POR: variants seen among roughly 807,000 people sequenced by gnomAD.
POR encodes cytochrome p450 oxidoreductase, also known as NADPH--cytochrome P450 reductase.
In POR, 56 loss-of-function variants were observed where a neutral mutation model predicts 84.0. That is an observed-to-expected ratio of 0.67 (90% confidence interval 0.54 to 0.83). POR has a LOEUF of 0.83. POR is among the 40% of genes least tolerant of loss of function. The probability of loss-of-function intolerance (pLI) is 0.00; values close to 1 mark genes in which losing one functional copy is unlikely to be tolerated. For synonymous variants in POR, 414 were observed against 400.5 expected (o/e 1.03, Z -0.40); for missense variants, 938 against 944.3 (o/e 0.99, Z 0.09).
At chr7:75,923,392 C>T (rs1806966926) in intron 1 of POR, 3 of 729,024 alleles carry the variant, frequency 4.1e-6, no homozygotes. Context: ...GATTGGCACA[C>T]CTCCATCTTC....
intron 2 of POR, chr7:75,968,104 C>T (rs782551905): frequency 2.6e-5 from 12 of 455,472 alleles, no homozygotes; most frequent in Non-Finnish European, 4.8e-5. Flanking sequence ...TACTCGTCTC[C>T]ACCTGAGGAG....
intron 8 of POR, chr7:75,983,309 C>G (rs949652225): frequency 1.4e-4 from 76 of 537,690 alleles, no homozygotes; most frequent in South Asian, 7.3e-4. Flanking sequence ...CCGCTGCACT[C>G]CAGCCTGGGT....
Position 75,985,167 on chromosome 7 carries a change from G to T in POR, c.1358G>T (p.Arg453Leu). 6.3e-7 allele frequency: 1 copy of T among 1,598,878 alleles called. No homozygotes were observed. Residue 453 changes from arginine (R) to leucine (L), a missense_variant, in exon 12 of 16, where the codon CGC (arginine) becomes CTC (leucine). Arg to Leu is a moderately radical substitution (Grantham distance 102). Coordinates refer to ENST00000461988, the MANE Select transcript of POR (RefSeq NM_000941.3). The stretch of plus-strand genomic sequence containing the variant: ...GACCACCTGTGTGAGCTGCTGCCGC[G>T]CCTGCAGGCCCGCTACTACTCCATC...
chr7:75,974,869 C>T (rs538944288), intron 3 of POR, among the ~76,000 whole-genome samples: 1 of 152,160 alleles, frequency 6.6e-6, no homozygotes, highest in African/African-American at 2.4e-5. Flanking sequence ...ACATCTTTTG[C>T]CTGCTTTTCT....
chr7:75,933,092 A>AT (rs1807496987), intron 1 of POR, among the ~76,000 whole-genome samples: 1 of 151,972 alleles, frequency 6.6e-6, no homozygotes, highest in African/African-American at 2.4e-5. Context: ...ATGAAACCAA[A>AT]TAAGAGTTTG....
chr7:75,938,091 C>T (rs1419373773), intron 1 of POR, among the ~76,000 whole-genome samples: 1 of 152,220 alleles, frequency 6.6e-6, no homozygotes, highest in African/African-American at 2.4e-5. Flanking sequence ...CCTGCTGTCC[C>T]TCCTGTCCCC....
intron 2 of POR, among the ~76,000 whole-genome samples, chr7:75,955,639 G>A (rs914374717): frequency 6.6e-6 from 1 of 152,192 alleles, no homozygotes; most frequent in Non-Finnish European, 1.5e-5. Flanking sequence ...GGGCAGGATT[G>A]GGAGCCATTC....
chr7:75,952,456 C>G lies in POR; in HGVS notation c.-4-1533C>G, dbSNP rs1204780550. On this transcript the variant is annotated intron_variant, in intron 1 of 15. Transcript: ENST00000461988. ...CTCCCGGACGGAGCGGCTGGCCGGG[C>G]GGGGGCTGACCCCCACCTCCCTCCC... is the stretch of plus-strand genomic sequence containing the variant. 7.2e-5 allele frequency among the ~76,000 whole-genome samples: 10 copies of G among 139,846 alleles called. No individual in the cohort carries two copies. The East Asian group carries it at 1.4e-3, about 19-fold the overall frequency. The allele number at this position is 139,846 out of a possible 152,430, so 91.7% of individuals were successfully genotyped here.
intron 3 of POR, 123 bp downstream of exon 3, chr7:75,972,584 G>A: frequency 1.2e-5 from 11 of 921,506 alleles, no homozygotes; most frequent in Non-Finnish European, 1.6e-5. Flanking sequence ...GAGAGGGAAC[G>A]CAGCCCGGCT....
At chr7:75,982,177 C>T in intron 7 of POR, 47 bp from the exon 8 acceptor site, 5 of 1,483,490 alleles carry the variant, frequency 3.4e-6, no homozygotes, top group South Asian at 1.2e-5. Context: ...CCTCTCGGGA[C>T]TGACCCCTGC....
intron 3 of POR, among the ~76,000 whole-genome samples, chr7:75,973,825 G>C (rs1554556513): frequency 6.6e-6 from 1 of 151,576 alleles, no homozygotes; most frequent in African/African-American, 2.4e-5. Flanking sequence ...GGGGTTAGAC[G>C]CCTGCCACCG....
At chr7:75,933,977 T>G (rs1807546756) in intron 1 of POR, among the ~76,000 whole-genome samples, 1 of 152,180 alleles carries the variant, frequency 6.6e-6, no homozygotes, top group South Asian at 2.1e-4. Flanking sequence ...AGTTTTTTTT[T>G]TTTTGGTAAG....
chr7:75,973,308 TA>T (rs1764342088), intron 3 of POR, among the ~76,000 whole-genome samples: 3 of 152,100 alleles, frequency 2.0e-5, no homozygotes, highest in Non-Finnish European at 4.4e-5. Context: ...ATTTTTAATT[TA>T]AAAAAACCTT....
intron 1 of POR, among the ~76,000 whole-genome samples, chr7:75,944,850 C>T (rs1554551948): frequency 2.0e-5 from 3 of 152,094 alleles, no homozygotes; most frequent in African/African-American, 7.2e-5. Context: ...CTAACCTAAA[C>T]AACAGAAAAT....
chr7:75,972,373 C>A (rs782443479), intron 2 of POR, 40 bp from the exon 3 acceptor site: 1 of 1,581,210 alleles, frequency 6.3e-7, no homozygotes, highest in Admixed American at 1.7e-5. Flanking sequence ...TGTCCCATGA[C>A]ACCTGCCTCC....
intron 1 of POR, among the ~76,000 whole-genome samples, chr7:75,916,477 T>C (rs991971593): frequency 2.1e-5 from 3 of 144,326 alleles, no homozygotes; most frequent in African/African-American, 7.3e-5. Context: ...AAGGTCCACT[T>C]CCTTTTTTTT....
chr7:75,979,241 T>A (rs1788867915), intron 3 of POR, among the ~76,000 whole-genome samples: 1 of 152,040 alleles, frequency 6.6e-6, no homozygotes, highest in Non-Finnish European at 1.5e-5. Context: ...GCCGCGTGTG[T>A]GAGATTGCCT....
At chr7:75,960,391 G>C (rs1243923494) in intron 2 of POR, among the ~76,000 whole-genome samples, 1 of 152,122 alleles carries the variant, frequency 6.6e-6, no homozygotes, top group Non-Finnish European at 1.5e-5. Context: ...ATTTCGCACT[G>C]GGGCAGCTCA....
intron 2 of POR, among the ~76,000 whole-genome samples, chr7:75,956,281 A>G (rs1048037449): frequency 2.6e-5 from 4 of 152,342 alleles, no homozygotes; most frequent in South Asian, 4.1e-4. Flanking sequence ...CCTGGGAGAC[A>G]GAGTCCGTCT....
Sources: gnomAD v4.1 joint callset for allele counts (sites outside exome capture counted in the v4.1 genomes callset) on GRCh38, gnomAD v4.1.1 for gene constraint, MANE v1.5 for transcripts, NCBI Gene and HGNC (gene_info 2026-07-23, HGNC 2026-07-21) for gene names.